NKIRAS1: variants seen among roughly 807,000 people sequenced by gnomAD.
NKIRAS1 encodes NF-kappa-B inhibitor-interacting Ras-like protein 1.
Under a neutral mutation model 19.8 loss-of-function variants are expected in NKIRAS1, and 16 were observed. The observed-to-expected ratio is 0.81, with a 90% CI of 0.55 to 1.23. The LOEUF (loss-of-function observed/expected upper bound fraction) is 1.23. NKIRAS1 is among the 50% of genes most tolerant of loss of function. NKIRAS1 has a pLI of 0.00. For synonymous variants in NKIRAS1, 88 were observed against 79.0 expected (o/e 1.11, Z -0.61); for missense variants, 184 against 220.0 (o/e 0.84, Z 1.04).
chr3:23,936,182 C>T (rs1458658297), intron 1 of NKIRAS1, among the ~76,000 whole-genome samples: 1 of 150,468 alleles, frequency 6.6e-6, no homozygotes, highest in Non-Finnish European at 1.5e-5. Context: ...GTCCTAGAGT[C>T]TATAGGCAGA....
intron 1 of NKIRAS1, among the ~76,000 whole-genome samples, chr3:23,934,982 A>T (rs1479705443): frequency 1.3e-5 from 2 of 152,154 alleles, no homozygotes. Flanking sequence ...GCTCAGCAGG[A>T]CCCGCTCCAA....
At chr3:23,937,262 T>G (rs1229912973) in intron 1 of NKIRAS1, among the ~76,000 whole-genome samples, 2 of 151,778 alleles carry the variant, frequency 1.3e-5, no homozygotes, top group African/African-American at 4.8e-5. Context: ...TCCCAGCTAC[T>G]CGGTAGGCTG....
upstream of NKIRAS1, chr3:23,918,513 C>A: frequency 1.2e-6 from 2 of 1,613,932 alleles, no homozygotes; most frequent in South Asian, 2.2e-5. Flanking sequence ...CAACTTACGG[C>A]AAGCCTGTCC....
intron 3 of NKIRAS1, among the ~76,000 whole-genome samples, chr3:23,901,749 G>A (rs1474839376): frequency 6.6e-6 from 1 of 152,148 alleles, no homozygotes; most frequent in Non-Finnish European, 1.5e-5. Context: ...GATAAGACAG[G>A]TAAGGTATAG....
chr3:23,912,816 A>G (rs895139803), intron 1 of NKIRAS1, among the ~76,000 whole-genome samples: 2 of 152,252 alleles, frequency 1.3e-5, no homozygotes, highest in East Asian at 1.9e-4. Context: ...GATAGACTGG[A>G]TTAAGAAAAT....
upstream of NKIRAS1, chr3:23,917,382 G>T (rs533704154): frequency 4.6e-5 from 7 of 153,800 alleles, no homozygotes; most frequent in African/African-American, 1.4e-4. Flanking sequence ...ATTCGAGCTG[G>T]GCCCGGATCC....
chr3:23,913,961 G>C (rs1055193452), intron 1 of NKIRAS1, among the ~76,000 whole-genome samples: 1 of 152,212 alleles, frequency 6.6e-6, no homozygotes, highest in Non-Finnish European at 1.5e-5. Context: ...AAAAGCAGTA[G>C]TTACAGCTAC....
chr3:23,937,674 C>T (rs890353954), intron 1 of NKIRAS1, among the ~76,000 whole-genome samples: 1 of 151,552 alleles, frequency 6.6e-6, no homozygotes, highest in Non-Finnish European at 1.5e-5. Flanking sequence ...AACTGTCATG[C>T]AACTTTTCTT....
chr3:23,891,368 C>G lies in NKIRAS1; in HGVS notation c.*1727G>C, dbSNP rs1021971278. 1.3e-5 allele frequency: 2 copies of G among 152,156 alleles called. No homozygotes were observed. Among genetic ancestry groups the G allele is most frequent in the African/African-American group, 4.8e-5 (2 of 41,424 alleles). The allele number at this position is 152,156 out of a possible 1,614,324, so 9.4% of individuals were successfully genotyped here. ...GCCTTTTGGTTGCCATTCGCAGATT[C>G]TTCTGAAATCGATAGGTATCTGCTT... On this transcript the variant is annotated 3_prime_UTR_variant, in exon 5 of 5. Transcript: ENST00000425478.
intron 4 of NKIRAS1, among the ~76,000 whole-genome samples, chr3:23,900,561 G>T (rs1702419331): frequency 2.6e-5 from 4 of 151,590 alleles, no homozygotes; most frequent in Admixed American, 1.3e-4. Context: ...CTTGTACCCG[G>T]GAGGCGGAGG....
Position 23,893,066 on chromosome 3 carries a change from C to T in NKIRAS1, c.*29G>A, listed in dbSNP as rs1412506966. On this transcript the variant is annotated 3_prime_UTR_variant, in exon 5 of 5. Coordinates refer to ENST00000425478, the MANE Select transcript of NKIRAS1 (RefSeq NM_020345.4). ...CAGACACTTAAAGGCAATCACTATTCAACATACAATTGTGGAAATTACTGA... is the reference window on the plus strand; with the variant it reads ...CAGACACTTAAAGGCAATCACTATTTAACATACAATTGTGGAAATTACTGA... The T allele has an allele frequency of 1.3e-6, 2 of 1,523,892 alleles. No individual in the cohort carries two copies. Among genetic ancestry groups the T allele is most frequent in the East Asian group, 2.3e-5 (1 of 44,024 alleles). The allele number at this position is 1,523,892 out of a possible 1,614,324, so 94.4% of individuals were successfully genotyped here.
At chr3:23,940,948 G>C (rs757525481) in intron 1 of NKIRAS1, among the ~76,000 whole-genome samples, 2 of 152,154 alleles carry the variant, frequency 1.3e-5, no homozygotes, top group Non-Finnish European at 2.9e-5. Flanking sequence ...AAACATGCTT[G>C]GGAATTTTTG....
exon 1 of NKIRAS1, chr3:23,946,398 G>T (rs1705711096): frequency 2.9e-6 from 2 of 692,702 alleles, no homozygotes; most frequent in Middle Eastern, 7.3e-4. Context: ...GAAGGCGTGG[G>T]GCTTTCCCGA....
intron 4 of NKIRAS1, among the ~76,000 whole-genome samples, chr3:23,897,501 T>C (rs1354861821): frequency 6.6e-6 from 1 of 152,192 alleles, no homozygotes; most frequent in Non-Finnish European, 1.5e-5. Context: ...TGTCATTCCT[T>C]TGCCCCAAAC....
At chr3:23,940,467 A>C (rs1432157142) in intron 1 of NKIRAS1, among the ~76,000 whole-genome samples, 1 of 152,060 alleles carries the variant, frequency 6.6e-6, no homozygotes, top group East Asian at 1.9e-4. Context: ...TTATTATTGC[A>C]TTGTAGTGTG....
upstream of NKIRAS1, chr3:23,920,654 C>A: frequency 1.0e-6 from 1 of 985,010 alleles, no homozygotes; most frequent in Non-Finnish European, 1.2e-6. Flanking sequence ...CGTTCTGAAC[C>A]AATTTTCTCC....
upstream of NKIRAS1, chr3:23,919,987 T>G (rs752177706): frequency 1.6e-4 from 158 of 987,088 alleles, no homozygotes; most frequent in Non-Finnish European, 1.9e-4. Flanking sequence ...CAGTACCATT[T>G]TAAATTCACA....
At chr3:23,945,540 C>T (rs1378783697) in intron 1 of NKIRAS1, 10 of 1,136,710 alleles carry the variant, frequency 8.8e-6, no homozygotes, top group Non-Finnish European at 8.7e-6. Flanking sequence ...GCCCCCTCTG[C>T]GGGAAGCGGG....
chr3:23,945,176 C>G lies in NKIRAS1; in HGVS notation c.-140+1147G>C, dbSNP rs1469344603. On this transcript the variant is annotated intron_variant, in intron 1 of 4. Coordinates refer to the NKIRAS1 transcript ENST00000421515. ...AAAGGGTAGCCGGGGAGCCGGGAAG[C>G]GGGCGGGAGGGAGGGGAGCGGCGGG... The G allele has an allele frequency of 9.2e-5, 5 of 54,396 alleles. No homozygotes were observed. The East Asian group carries it at 2.2e-3, about 24-fold the overall frequency. 3.4% of individuals were successfully genotyped at this position (54,396 alleles called of 1,614,324 possible).
Sources: gnomAD v4.1 joint callset for allele counts (sites outside exome capture counted in the v4.1 genomes callset) on GRCh38, gnomAD v4.1.1 for gene constraint, MANE v1.5 for transcripts, NCBI Gene and HGNC (gene_info 2026-07-23, HGNC 2026-07-21) for gene names.